Variants in MIB1 observed in about 807,000 individuals in gnomAD.
MIB1 encodes the protein MIB E3 ubiquitin protein ligase 1.
MIB1 carries 278 observed loss-of-function variants against 124.5 expected under a neutral mutation model. The ratio of observed to expected loss-of-function variants is 2.23; its 90% confidence interval spans 2.02 to 2.47. The LOEUF is 2.47. Among genes scored for constraint, MIB1 ranks in the 30% most tolerant of loss-of-function variants. The pLI is 0.00. For missense variants in MIB1, 957 were observed against 1,254.4 expected (o/e 0.76, Z 3.58); for synonymous variants, 446 against 429.4 (o/e 1.04, Z -0.48).
intron 3 of MIB1, among the ~76,000 whole-genome samples, chr18:21,770,068 G>T (rs2041208014): frequency 6.6e-6 from 1 of 152,168 alleles, no homozygotes; most frequent in South Asian, 2.1e-4. Context: ...GCCAGGCATG[G>T]TGGTACATGC....
chr18:21,711,976 G>C (rs1217447191), intron 1 of MIB1: 1 of 153,270 alleles, frequency 6.5e-6, no homozygotes, highest in African/African-American at 2.4e-5. Flanking sequence ...TTACACGTGT[G>C]AGCCACTGCG....
At chr18:21,843,950 T>A in intron 14 of MIB1, 142 bp from the exon 15 acceptor site, 1 of 701,984 alleles carries the variant, frequency 1.4e-6, no homozygotes, top group Non-Finnish European at 2.4e-6. Context: ...TGGAGAAGAG[T>A]AGAAGGCAAA....
At chr18:21,778,227 T>A in intron 5 of MIB1, 58 bp downstream of exon 5, 1 of 1,183,212 alleles carries the variant, frequency 8.5e-7, no homozygotes, top group Non-Finnish European at 1.2e-6. Context: ...GTGGAATCAG[T>A]AAAATGCTTA....
At chr18:21,777,885 T>TA (rs1295731817) in intron 4 of MIB1, among the ~76,000 whole-genome samples, 2 of 152,184 alleles carry the variant, frequency 1.3e-5, no homozygotes, top group Non-Finnish European at 2.9e-5. Context: ...TTTTGAGCTT[T>TA]AAAAGAATGC....
Position 21,853,205 on chromosome 18 carries a change from G to A in MIB1, c.2652G>A (p.Met884Ile), listed in dbSNP as rs779874841. ...AAVLFQPCGHMCACENCANLM... is the reference protein window; with the variant it reads ...AAVLFQPCGHICACENCANLM... Reference sequence around the variant, plus strand: ...TTCTTTTTCAACCCTGTGGCCACATGTGTGCTTGTGAGAGTAAGTAGCCTA... The same window carrying A: ...TTCTTTTTCAACCCTGTGGCCACATATGTGCTTGTGAGAGTAAGTAGCCTA... The change falls in exon 18 of 21, where the codon ATG (methionine) becomes ATA (isoleucine). Residue 884 changes from methionine (M) to isoleucine (I), a missense_variant. Transcript: ENST00000261537. 6.2e-7 allele frequency: 1 copy of A among 1,610,484 alleles called. No individual in the cohort carries two copies. The highest frequency in any genetic ancestry group is 1.3e-5 in the African/African-American group (1 of 74,986).
intron 16 of MIB1, among the ~76,000 whole-genome samples, chr18:21,847,397 AGTACTCCCAT>A (rs1285498124): frequency 6.6e-6 from 1 of 152,226 alleles, no homozygotes; most frequent in Non-Finnish European, 1.5e-5. Context: ...CTGATCTTCT[AGTACTCCCAT>A]GTGTTAGAGG....
chr18:21,740,560 A>C (rs1598585324), upstream of MIB1, among the ~76,000 whole-genome samples: 4 of 152,348 alleles, frequency 2.6e-5, no homozygotes, highest in South Asian at 8.3e-4. Flanking sequence ...TTAGTGAAAA[A>C]CTGGCCACAT....
At chr18:21,732,252 C>T (rs1219957421) in intron 1 of MIB1, among the ~76,000 whole-genome samples, 1 of 151,700 alleles carries the variant, frequency 6.6e-6, no homozygotes, top group Non-Finnish European at 1.5e-5. Flanking sequence ...TACTTGAACC[C>T]AGGAGGCAGA....
At chr18:21,767,033 T>C (rs942422083) in intron 2 of MIB1, among the ~76,000 whole-genome samples, 1 of 152,224 alleles carries the variant, frequency 6.6e-6, no homozygotes, top group African/African-American at 2.4e-5. Flanking sequence ...TACTTGAGTG[T>C]AGAATCTTTA....
rs767121716 is a variant in MIB1 at position 21,798,100 on chromosome 18, G to A, written c.1109G>A (p.Gly370Asp). ...TTCCCCAAGACTTTAGGTAAAGTTGGCCGAGTACAACAGATTTATTCAGAC... is the reference window on the plus strand; with the variant it reads ...TTCCCCAAGACTTTAGGTAAAGTTGACCGAGTACAACAGATTTATTCAGAC... ...EAMLPTLGKV[G>D]RVQQIYSDSD... The change falls in exon 8 of 21, where the codon GGC becomes GAC. Residue 370 changes from glycine (G) to aspartate (D), a missense_variant. Physicochemically the swap from Gly to Asp is moderately conservative, Grantham distance 94. Coordinates refer to ENST00000261537, the MANE Select transcript of MIB1 (RefSeq NM_020774.4). 1.2e-6 allele frequency: 2 copies of A among 1,612,676 alleles called. No homozygotes were observed. Among genetic ancestry groups the A allele is most frequent in the Non-Finnish European group, 1.7e-6 (2 of 1,179,074 alleles).
rs1052298114 is a variant in MIB1 at position 21,777,128 on chromosome 18, G to A, written c.637-975G>A. 4.0e-5 allele frequency among the ~76,000 whole-genome samples: 6 copies of A among 151,802 alleles called. No individual in the cohort carries two copies. The East Asian group carries it at 1.2e-3, about 30-fold the overall frequency. On this transcript the variant is annotated intron_variant, in intron 4 of 20. Transcript: ENST00000261537. ...TTTTGGTAAAAGTATCTTTAAAATGGAATGTGCTGGCCCGGCGTGGTGGCT... is the reference window on the plus strand; with the variant it reads ...TTTTGGTAAAAGTATCTTTAAAATGAAATGTGCTGGCCCGGCGTGGTGGCT...
rs984003160 is a variant in MIB1, at chr18:21,732,131, G to C, written n.167+27008G>C. ...ACTTGAGGTCAGGAGTTTAACACCA[G>C]CCTGGCCAACATGGCAAAACTCTGT... On this transcript the variant is annotated intron_variant and non_coding_transcript_variant, in intron 1 of 20. Transcript: ENST00000578646. Among the ~76,000 whole-genome samples, 6 of 151,846 alleles carry C rather than the reference G, an allele frequency of 4.0e-5. 1 individual carries two copies. Among genetic ancestry groups the C allele is most frequent in the Admixed American group, 3.9e-4 (6 of 15,208 alleles).
chr18:21,776,946 C>T (rs1203000923), intron 4 of MIB1, among the ~76,000 whole-genome samples: 2 of 151,066 alleles, frequency 1.3e-5, no homozygotes, highest in Admixed American at 1.3e-4. Context: ...CACTGCACTC[C>T]AGCCTGGGTG....
intron 13 of MIB1, among the ~76,000 whole-genome samples, chr18:21,840,181 C>G (rs2146501473): frequency 6.6e-6 from 1 of 152,208 alleles, no homozygotes; most frequent in South Asian, 2.1e-4. Context: ...ATTCTGGTAT[C>G]TTCTCTACAG....
chr18:21,822,913 A>G (rs2146482616), intron 12 of MIB1, among the ~76,000 whole-genome samples: 1 of 152,118 alleles, frequency 6.6e-6, no homozygotes, highest in Middle Eastern at 3.4e-3. Flanking sequence ...CAACCTGGGC[A>G]ATGTAGCAAG....
upstream of MIB1, among the ~76,000 whole-genome samples, chr18:21,736,916 G>T (rs1405969364): frequency 6.6e-6 from 1 of 152,202 alleles, no homozygotes; most frequent in Admixed American, 6.5e-5. Flanking sequence ...GTGACGGGGA[G>T]AATGGAACCA....
Position 21,864,707 on chromosome 18 carries a change from C to T in MIB1, c.*41C>T. ...TATTTTGTTAGCTAATGTATCTAGT[C>T]ATGAGATCTTAATAGGCTTTTGATC... On this transcript the variant is annotated 3_prime_UTR_variant, in exon 21 of 21. Transcript: ENST00000261537. The T allele has an allele frequency of 1.3e-6, 2 of 1,526,432 alleles. No individual in the cohort carries two copies. Among genetic ancestry groups the T allele is most frequent in the African/African-American group, 1.4e-5 (1 of 73,426 alleles). The allele number at this position is 1,526,432 out of a possible 1,614,324, so 94.6% of individuals were successfully genotyped here.
intron 1 of MIB1, among the ~76,000 whole-genome samples, chr18:21,706,933 T>G (rs1275222162): frequency 6.6e-6 from 1 of 152,242 alleles, no homozygotes; most frequent in Non-Finnish European, 1.5e-5. Context: ...GGTGGGCAGC[T>G]GCGGCTCCCC....
rs1463737788 is a variant in MIB1 at position 21,870,642 on chromosome 18, G to T, written c.*5976G>T. The T allele has an allele frequency of 1.3e-5, 2 of 152,182 alleles. No homozygotes were observed. The highest frequency in any genetic ancestry group is 1.9e-4 in the East Asian group (1 of 5,176). 9.4% of individuals were successfully genotyped at this position (152,182 alleles called of 1,614,324 possible). A position where few individuals can be genotyped will look rare whatever the true frequency, so the allele number is the denominator to read the frequency against. ...TAGTTTTATGAGTAAATCATTAATT[G>T]TATGGTTTGGGGGTTATTTTATTTT... On this transcript the variant is annotated 3_prime_UTR_variant, in exon 21 of 21. Transcript: ENST00000261537.
Sources: allele counts gnomAD v4.1 joint callset (sites outside exome capture counted in the v4.1 genomes callset), GRCh38; gene constraint gnomAD v4.1.1; transcripts MANE v1.5; gene names NCBI Gene and HGNC (gene_info 2026-07-23, HGNC 2026-07-21).